SLCO3A1: variants seen among roughly 807,000 people sequenced by gnomAD.
SLCO3A1 encodes the protein PGE1 transporter.
Under a neutral mutation model 63.1 loss-of-function variants are expected in SLCO3A1, and 27 were observed. That is an observed-to-expected ratio of 0.43 (90% CI 0.32 to 0.59). The LOEUF (loss-of-function observed/expected upper bound fraction) is 0.59. Ranked by LOEUF, SLCO3A1 falls within the 20% of genes least tolerant of loss-of-function variation. The pLI is 0.09. For synonymous variants in SLCO3A1, 473 were observed against 409.9 expected, an observed-to-expected ratio of 1.15 and a Z score of -1.86; for missense variants, 773 against 945.8, an observed-to-expected ratio of 0.82 and a Z score of 2.40.
rs1422630036 is a variant in SLCO3A1, at chr15:91,883,641, T to TA, written c.180+29554dup. ...GTTGTGATTTATAAGCCTTAATAGTTACTAAGGCAATGCATTGATACATTG... is the reference window on the plus strand; with the variant it reads ...GTTGTGATTTATAAGCCTTAATAGTTAACTAAGGCAATGCATTGATACATTG... On this transcript the variant is annotated intron_variant, in intron 1 of 9. Transcript: ENST00000318445. This position sits in a 1 kb window ranked among gnomAD's most constrained non-coding sequence, Gnocchi z 4.8. Among the ~76,000 whole-genome samples, 23 of 152,366 alleles carry TA rather than the reference T, an allele frequency of 1.5e-4. No individual in the cohort carries two copies. Among genetic ancestry groups the TA allele is most frequent in the African/African-American group, 5.5e-4 (23 of 41,578 alleles).
chr15:92,018,675 G>A (rs1173730372), intron 2 of SLCO3A1, among the ~76,000 whole-genome samples: 1 of 152,168 alleles, frequency 6.6e-6, no homozygotes, highest in East Asian at 1.9e-4. Context: ...GGCGTCCGTC[G>A]GGCCACCAGG....
chr15:92,064,850 T>TA (rs2047130117), intron 2 of SLCO3A1, among the ~76,000 whole-genome samples: 1 of 152,180 alleles, frequency 6.6e-6, no homozygotes, highest in Non-Finnish European at 1.5e-5. Context: ...GAATGATGGT[T>TA]ACCAGCAGCT....
chr15:92,048,051 G>C (rs2046911485), intron 2 of SLCO3A1, among the ~76,000 whole-genome samples: 1 of 152,100 alleles, frequency 6.6e-6, no homozygotes, highest in Non-Finnish European at 1.5e-5. Context: ...TTTGCCTGGA[G>C]TCCTGGACTG....
chr15:92,095,856 C>T (rs962027678), intron 3 of SLCO3A1, among the ~76,000 whole-genome samples: 3 of 152,180 alleles, frequency 2.0e-5, no homozygotes, highest in Non-Finnish European at 2.9e-5. Flanking sequence ...GTTACCAAGA[C>T]AGGAAACCAG....
At chr15:92,007,282 C>T (rs1372100710) in intron 2 of SLCO3A1, among the ~76,000 whole-genome samples, 5 of 152,196 alleles carry the variant, frequency 3.3e-5, no homozygotes, top group Non-Finnish European at 5.9e-5. Context: ...ACAAAATATT[C>T]AGGCATTGTT....
At chr15:91,944,803 G>C (rs1899746352) in intron 2 of SLCO3A1, among the ~76,000 whole-genome samples, 1 of 152,120 alleles carries the variant, frequency 6.6e-6, no homozygotes, top group Non-Finnish European at 1.5e-5. Flanking sequence ...GAGGGGGAAA[G>C]GCACGAGCAG....
intron 2 of SLCO3A1, among the ~76,000 whole-genome samples, chr15:92,071,127 C>A (rs1180589262): frequency 2.0e-5 from 3 of 152,190 alleles, no homozygotes; most frequent in Non-Finnish European, 4.4e-5. Context: ...GCAGGACTCT[C>A]CCTGGCTGGA....
intron 3 of SLCO3A1, among the ~76,000 whole-genome samples, chr15:92,101,618 C>G (rs1054906855): frequency 1.6e-4 from 25 of 152,174 alleles, no homozygotes; most frequent in African/African-American, 6.0e-4. Flanking sequence ...CCAAAGCCTC[C>G]CCCGCCCTCA....
chr15:91,936,628 G>A (rs1043693836), intron 2 of SLCO3A1, among the ~76,000 whole-genome samples: 3 of 152,198 alleles, frequency 2.0e-5, no homozygotes, highest in African/African-American at 7.2e-5. Flanking sequence ...GCGGCTTACA[G>A]GAATGTACAG....
rs895399785 is a variant in SLCO3A1, at chr15:91,942,725, C to T, written c.646+26267C>T. 5.9e-5 allele frequency among the ~76,000 whole-genome samples: 9 copies of T among 152,272 alleles called. No individual in the cohort carries two copies. The highest frequency in any genetic ancestry group is 1.4e-4 in the African/African-American group (6 of 41,550). On this transcript the variant is annotated intron_variant, in intron 2 of 9. Coordinates refer to ENST00000318445, the MANE Select transcript of SLCO3A1 (RefSeq NM_013272.4). The surrounding 1 kb of genome is among the most constrained non-coding windows in gnomAD (Gnocchi z 4.1). ...CTGGAATTACAGGCGTGCACCACCA[C>T]GCCCGGCTAATTTTTGAAAAGAGAT...
At chr15:92,049,362 G>A (rs1305505932) in intron 2 of SLCO3A1, among the ~76,000 whole-genome samples, 1 of 152,144 alleles carries the variant, frequency 6.6e-6, no homozygotes, top group African/African-American at 2.4e-5. Context: ...TTTGCTCAAG[G>A]TTCAATAAGC....
downstream of SLCO3A1, among the ~76,000 whole-genome samples, chr15:92,167,059 G>A (rs1220645924): frequency 6.6e-6 from 1 of 152,254 alleles, no homozygotes; most frequent in Non-Finnish European, 1.5e-5. Flanking sequence ...CAGTTGGACG[G>A]AGTTACGCTA....
intron 2 of SLCO3A1, among the ~76,000 whole-genome samples, chr15:92,011,400 A>G (rs780483169): frequency 3.3e-5 from 5 of 152,210 alleles, no homozygotes; most frequent in Non-Finnish European, 5.9e-5. Context: ...CTTATTGTTG[A>G]CTGTAGTCAC....
rs371718608 is a variant in SLCO3A1, at chr15:91,927,539, C to T, written c.646+11081C>T. Among the ~76,000 whole-genome samples, 30 of 152,046 alleles carry T rather than the reference C, an allele frequency of 2.0e-4. No homozygotes were observed. In the South Asian group the frequency reaches 5.8e-3, roughly 30 times the overall value. ...GGGATAGTTGGTGCATTTGAGAAAC[C>T]CTCTATTTTATACCACGGCCTCCTA... On this transcript the variant is annotated intron_variant, in intron 2 of 9. Coordinates refer to ENST00000318445, the MANE Select transcript of SLCO3A1 (RefSeq NM_013272.4).
intron 2 of SLCO3A1, among the ~76,000 whole-genome samples, chr15:92,001,711 C>T (rs532594398): frequency 1.4e-4 from 22 of 151,800 alleles, no homozygotes; most frequent in African/African-American, 4.8e-4. Context: ...TTAAAGTGGT[C>T]ATGTATTAAA....
intron 2 of SLCO3A1, among the ~76,000 whole-genome samples, chr15:92,040,330 A>T (rs532804296): frequency 6.6e-6 from 1 of 152,234 alleles, no homozygotes; most frequent in Non-Finnish European, 1.5e-5. Flanking sequence ...TGGAATGTCT[A>T]TTCAAAGGCA....
intron 2 of SLCO3A1, among the ~76,000 whole-genome samples, chr15:92,015,457 G>A (rs1283090283): frequency 6.6e-6 from 1 of 152,058 alleles, no homozygotes; most frequent in African/African-American, 2.4e-5. Context: ...GATCTCGTGA[G>A]AACTCCCTCA....
chr15:92,071,260 G>A lies in SLCO3A1; in HGVS notation c.647-23621G>A, dbSNP rs538854717. Among the ~76,000 whole-genome samples, 130 of 152,296 alleles carry A rather than the reference G, an allele frequency of 8.5e-4. 1 individual carries two copies. The South Asian group carries it at 0.013, about 15-fold the overall frequency. On this transcript the variant is annotated intron_variant, in intron 2 of 9. Transcript: ENST00000318445. ...GCATGCGAGGCCGGTGCCTGCCAGG[G>A]AGCGTGAGGATGAAGACAGGTTGCC...
Position 92,162,813 on chromosome 15 carries a change from G to C in SLCO3A1, c.1811G>C (p.Trp604Ser). 1 of 1,614,146 alleles carries C rather than the reference G, an allele frequency of 6.2e-7. No individual in the cohort carries two copies. The highest frequency in any genetic ancestry group is 1.1e-5 in the South Asian group (1 of 91,068). ...GAGIDSTCLF[W>S]STFCGEQGAC... ...GGCATCGACTCCACCTGCCTGTTCT[G>C]GAGCACGTTCTGTGGGGAGCAAGGC... Residue 604 changes from tryptophan (W) to serine (S), a missense_variant, in exon 10 of 10, where the codon TGG (tryptophan) becomes TCG (serine). By Grantham distance (177) the Trp-to-Ser change is radical. Transcript: ENST00000318445.
Sources: gnomAD v4.1 joint callset for allele counts (sites outside exome capture counted in the v4.1 genomes callset) on GRCh38, gnomAD v4.1.1 for gene constraint, Gnocchi (gnomAD v3.1) non-coding constraint, MANE v1.5 for transcripts, NCBI Gene and HGNC (gene_info 2026-07-23, HGNC 2026-07-21) for gene names.